Variants in NWD1 observed in about 807,000 individuals in gnomAD.
NWD1 encodes NACHT domain- and WD repeat-containing protein 1.
A neutral mutation model predicts 135.1 loss-of-function variants in NWD1; 129 were observed. The observed-to-expected ratio is 0.96, with a 90% confidence interval of 0.83 to 1.11. The LOEUF is 1.11. Among genes scored for constraint, NWD1 ranks in the 50% least tolerant of loss-of-function variants. The pLI, the probability that NWD1 is intolerant of heterozygous loss-of-function variation, is 0.00. For synonymous variants in NWD1, 773 were observed against 786.0 expected (o/e 0.98, Z 0.28); for missense variants, 1,740 against 1,851.3 (o/e 0.94, Z 1.10).
chr19:16,773,446 C>A, intron 11 of NWD1, 123 bp downstream of exon 11: 1 of 738,424 alleles, frequency 1.4e-6, no homozygotes, highest in Non-Finnish European at 2.2e-6. Flanking sequence ...CCCAAGCTTG[C>A]CATCAGAGCC....
chr19:16,760,441 G>A (rs1230311281), intron 7 of NWD1, among the ~76,000 whole-genome samples: 4 of 151,190 alleles, frequency 2.6e-5, no homozygotes, highest in African/African-American at 9.7e-5. Context: ...AAATTTTTTT[G>A]TGGAGATGGG....
intron 12 of NWD1, among the ~76,000 whole-genome samples, chr19:16,782,393 G>T (rs1263070160): frequency 6.6e-6 from 1 of 151,750 alleles, no homozygotes; most frequent in Non-Finnish European, 1.5e-5. Flanking sequence ...TTGAGTCCAG[G>T]AGTTGGAGGC....
chr19:16,793,296 C>T (rs1046851967), intron 14 of NWD1, among the ~76,000 whole-genome samples: 3 of 152,030 alleles, frequency 2.0e-5, no homozygotes, highest in Admixed American at 6.6e-5. Context: ...TGCAGTGGCA[C>T]GATCATGGCT....
rs147419023 is a variant in NWD1 at position 16,807,733 on chromosome 19, C to T, written c.3884C>T (p.Pro1295Leu). ...AGGCAGGACGTGATATGCATTCCCCCTCCCGAGGCCCGGAAAGCAATCAAC... is the reference window on the plus strand; with the variant it reads ...AGGCAGGACGTGATATGCATTCCCCTTCCCGAGGCCCGGAAAGCAATCAAC... ...NSRQDVICIP[P>L]PEARKAINCM... The change falls in exon 18 of 19, where the codon CCT becomes CTT. Residue 1295 changes from proline (P) to leucine (L), a missense_variant. Coordinates refer to ENST00000524140, the MANE Select transcript of NWD1 (RefSeq NM_001007525.5). 4 of 1,613,308 alleles carry T rather than the reference C, an allele frequency of 2.5e-6. No individual in the cohort carries two copies. Among genetic ancestry groups the T allele is most frequent in the East Asian group, 2.2e-5 (1 of 44,864 alleles).
chr19:16,762,919 G>A (rs954001339), intron 8 of NWD1, among the ~76,000 whole-genome samples: 3 of 151,794 alleles, frequency 2.0e-5, no homozygotes, highest in Non-Finnish European at 4.4e-5. Flanking sequence ...TAGTACCTGG[G>A]ACTACAGGTG....
At position 16,750,245 on chromosome 19, in the gene NWD1, C is replaced by G. The variant is rs143565675; in HGVS notation, c.1603C>G (p.Arg535Gly). 5.0e-6 allele frequency: 8 copies of G among 1,613,520 alleles called. No homozygotes were observed. Among genetic ancestry groups the G allele is most frequent in the Non-Finnish European group, 5.1e-6 (6 of 1,179,834 alleles). ...ASLPECGNPG[R>G]LRLAFEEARK... ...CCTCCCAGAGTGTGGGAACCCAGGG[C>G]GGCTGAGGCTGGCGTTTGAGGAAGC... Residue 535 changes from arginine to glycine, a missense_variant, in exon 6 of 19, where the codon CGG (arginine) becomes GGG (glycine). Arg to Gly is a moderately radical substitution (Grantham distance 125). Coordinates refer to ENST00000524140, the MANE Select transcript of NWD1 (RefSeq NM_001007525.5).
At chr19:16,762,297 C>CTTTTTTTT (rs71180331) in intron 8 of NWD1, among the ~76,000 whole-genome samples, 159 bp downstream of exon 8, 11 of 118,118 alleles carry the variant, frequency 9.3e-5, no homozygotes, top group African/African-American at 1.0e-4. Context: ...CCCCCCACTC[C>CTTTTTTTT]TTTTTTTTTT....
intron 10 of NWD1, among the ~76,000 whole-genome samples, chr19:16,770,154 C>T (rs935361264): frequency 5.3e-5 from 8 of 152,116 alleles, no homozygotes; most frequent in Admixed American, 4.6e-4. Flanking sequence ...TGGCTGTGTC[C>T]CCACCCAGCT....
chr19:16,743,672 A>ATTTGTTTG (rs1377766045), intron 4 of NWD1, among the ~76,000 whole-genome samples: 4 of 142,378 alleles, frequency 2.8e-5, no homozygotes, highest in African/African-American at 1.2e-4. Flanking sequence ...TTATTTATTT[A>ATTTGTTTG]TTAGTTTGTT....
intron 2 of NWD1, among the ~76,000 whole-genome samples, chr19:16,725,952 T>G (rs1007251731): frequency 2.1e-5 from 3 of 145,010 alleles, no homozygotes; most frequent in Admixed American, 7.2e-5. Flanking sequence ...ATTGTTTTTT[T>G]TTTGTTTGTT....
At chr19:16,792,802 G>A (rs1055956347) in intron 14 of NWD1, among the ~76,000 whole-genome samples, 1 of 151,230 alleles carries the variant, frequency 6.6e-6, no homozygotes, top group Non-Finnish European at 1.5e-5. Flanking sequence ...ACTTGAACCC[G>A]GGAGGTGGAG....
intron 10 of NWD1, among the ~76,000 whole-genome samples, chr19:16,772,226 G>A (rs1332566345): frequency 6.6e-6 from 1 of 152,104 alleles, no homozygotes; most frequent in Non-Finnish European, 1.5e-5. Context: ...CTAACGAGGC[G>A]TGGTGACGTG....
chr19:16,799,010 A>G (rs1970511868), intron 16 of NWD1, among the ~76,000 whole-genome samples: 1 of 151,430 alleles, frequency 6.6e-6, no homozygotes, highest in Non-Finnish European at 1.5e-5. Flanking sequence ...CACCCTCTAA[A>G]AAAGGTTTAC....
intron 12 of NWD1, among the ~76,000 whole-genome samples, chr19:16,782,909 CTTCT>C (rs1184314294): frequency 9.1e-6 from 1 of 110,002 alleles, no homozygotes; most frequent in African/African-American, 7.9e-5. Flanking sequence ...TCCTTCCTTC[CTTCT>C]TTCCTTCCTT....
chr19:16,759,729 A>G (rs532304008), intron 7 of NWD1, among the ~76,000 whole-genome samples: 30 of 152,204 alleles, frequency 2.0e-4, no homozygotes, highest in African/African-American at 7.0e-4. Context: ...AAATAAGAAA[A>G]TTAGCTAGGT....
At chr19:16,736,349 C>A (rs545746866) in intron 3 of NWD1, among the ~76,000 whole-genome samples, 48 of 152,096 alleles carry the variant, frequency 3.2e-4, no homozygotes, top group African/African-American at 1.2e-3. Context: ...CCTACCTCAG[C>A]CTCCCGAGTA....
intron 12 of NWD1, among the ~76,000 whole-genome samples, chr19:16,781,272 T>A (rs1001896086): frequency 1.3e-5 from 2 of 151,976 alleles, no homozygotes; most frequent in Non-Finnish European, 1.5e-5. Context: ...CACAGTAGAG[T>A]TCATAACTAG....
intron 11 of NWD1, among the ~76,000 whole-genome samples, chr19:16,775,759 C>A (rs1369506917): frequency 4.6e-5 from 7 of 152,128 alleles, no homozygotes; most frequent in Non-Finnish European, 1.5e-5. Context: ...CCTCTGCTTC[C>A]CAGATTCAAG....
intron 5 of NWD1, among the ~76,000 whole-genome samples, chr19:16,748,264 A>G (rs73521230): frequency 0.12 from 17,492 of 151,978 alleles, 2,174 homozygotes; most frequent in African/African-American, 0.32. Context: ...GATTACAGGC[A>G]TGAGACCCCA....
Sources: allele counts gnomAD v4.1 joint callset (sites outside exome capture counted in the v4.1 genomes callset), GRCh38; gene constraint gnomAD v4.1.1; transcripts MANE v1.5; gene names NCBI Gene and HGNC (gene_info 2026-07-23, HGNC 2026-07-21).